ABCC6: variants seen among roughly 807,000 people sequenced by gnomAD.
ABCC6 encodes the protein ATP-binding cassette sub-family C member 6.
ABCC6 carries 126 observed loss-of-function variants against 169.5 expected under a neutral mutation model. That is an observed-to-expected ratio of 0.74 (90% CI 0.64 to 0.86). The LOEUF is 0.86. Ranked by LOEUF, ABCC6 falls within the 40% of genes least tolerant of loss-of-function variation. ABCC6 has a pLI of 0.00. For missense variants in ABCC6, 1,733 were observed against 1,927.2 expected (o/e 0.90, Z 1.89); for synonymous variants, 752 against 814.7 (o/e 0.92, Z 1.31).
chr16:16,179,769 T>G (rs891697892), intron 17 of ABCC6, among the ~76,000 whole-genome samples: 1 of 152,148 alleles, frequency 6.6e-6, no homozygotes, highest in Non-Finnish European at 1.5e-5. Flanking sequence ...TTCTGTATTT[T>G]TAGTAGAGAT....
rs63750457 is a variant in ABCC6, at chr16:16,163,008, C to T, written c.3491G>A (p.Arg1164Gln). The change falls in exon 24 of 31, where the codon CGA becomes CAA. Residue 1164 changes from arginine to glutamine, a missense_variant. Arg to Gln is a conservative substitution (Grantham distance 43, BLOSUM62 1). Transcript: ENST00000205557. ...VDESQRISFP[R>Q]LVADRWLAAN... ...CTCTTCCTACCTGTCAGCCACCAGTCGCGGGAAACTGATCCTCTGGCTTTC... is the reference window on the plus strand; with the variant it reads ...CTCTTCCTACCTGTCAGCCACCAGTTGCGGGAAACTGATCCTCTGGCTTTC... 2.5e-5 allele frequency: 40 copies of T among 1,613,962 alleles called. No individual in the cohort carries two copies. The highest frequency in any genetic ancestry group is 3.3e-4 in the Middle Eastern group (2 of 6,084).
At chr16:16,214,075 A>T (rs2048754029) in intron 5 of ABCC6, among the ~76,000 whole-genome samples, 2 of 152,002 alleles carry the variant, frequency 1.3e-5, no homozygotes, top group South Asian at 4.1e-4. Flanking sequence ...ATTTGTTGAC[A>T]TATTCTGCTT....
At chr16:16,177,830 C>T (rs748843353) in intron 18 of ABCC6, among the ~76,000 whole-genome samples, 7 of 152,008 alleles carry the variant, frequency 4.6e-5, no homozygotes, top group African/African-American at 1.7e-4. Flanking sequence ...GTAGTCTCAG[C>T]TACTTTGGAG....
At chr16:16,188,257 T>G (rs1264314510) in intron 13 of ABCC6, among the ~76,000 whole-genome samples, 12 of 149,968 alleles carry the variant, frequency 8.0e-5, no homozygotes. Context: ...CTGGGCATGG[T>G]TGTGCATGCC....
At chr16:16,184,740 C>G (rs964712949) in intron 15 of ABCC6, among the ~76,000 whole-genome samples, 18 of 152,082 alleles carry the variant, frequency 1.2e-4, no homozygotes, top group African/African-American at 4.3e-4. Flanking sequence ...GCCCTGGTCC[C>G]CGTCTGCAGG....
At position 16,188,948 on chromosome 16, in the gene ABCC6, G is replaced by A. The variant is rs777753626; in HGVS notation, c.1662C>T (p.His554=). The A allele has an allele frequency of 2.5e-6, 4 of 1,613,988 alleles. No homozygotes were observed. The highest frequency in any genetic ancestry group is 2.7e-5 in the African/African-American group (2 of 74,942). ...FLVALVVFAV[H]TLVAENAMNA... ...TCATAGCATTCTCGGCCACCAGAGT[G>A]TGGACAGCAAACACCACCAGTGCGA... Residue 554 remains histidine, a synonymous_variant, in exon 13 of 31, where the codon CAC becomes CAT. Coordinates refer to ENST00000205557, the MANE Select transcript of ABCC6 (RefSeq NM_001171.6).
At chr16:16,160,977 C>T (rs766466841) in intron 25 of ABCC6, among the ~76,000 whole-genome samples, 2 of 152,220 alleles carry the variant, frequency 1.3e-5, no homozygotes, top group Non-Finnish European at 1.5e-5. Context: ...TAGTGGCTCA[C>T]GCCTGTAATT....
At chr16:16,220,596 T>A (rs1340703284) in intron 2 of ABCC6, among the ~76,000 whole-genome samples, 1 of 151,852 alleles carries the variant, frequency 6.6e-6, no homozygotes, top group African/African-American at 2.4e-5. Flanking sequence ...ACAAATAAAG[T>A]TTTATTGAAA....
At chr16:16,216,274 C>A (rs2048871305) in intron 4 of ABCC6, among the ~76,000 whole-genome samples, 1 of 151,894 alleles carries the variant, frequency 6.6e-6, no homozygotes, top group South Asian at 2.1e-4. Context: ...TATAGTCACC[C>A]TGTTGTGCTA....
rs527331020 is a variant in ABCC6, at chr16:16,196,245, C to T, written c.1338+1776G>A. Among the ~76,000 whole-genome samples the T allele has an allele frequency of 9.9e-5, 15 of 151,112 alleles. 2 individuals carry two copies. The South Asian group carries it at 1.5e-3, about 15-fold the overall frequency. On this transcript the variant is annotated intron_variant, in intron 10 of 30. Transcript: ENST00000205557. ...AAAAAATCAAAAGGATACTATTTCACGACATATGAAAATGATATGCACTTC... is the reference window on the plus strand; with the variant it reads ...AAAAAATCAAAAGGATACTATTTCATGACATATGAAAATGATATGCACTTC...
intron 17 of ABCC6, chr16:16,181,733 G>C (rs1206191264): frequency 6.5e-6 from 1 of 153,864 alleles, no homozygotes; most frequent in African/African-American, 2.4e-5. Context: ...CGGAGTTTGA[G>C]ACCAGCCTGG....
At chr16:16,175,523 C>A (rs1254312613) in intron 20 of ABCC6, among the ~76,000 whole-genome samples, 2 of 152,172 alleles carry the variant, frequency 1.3e-5, no homozygotes, top group African/African-American at 4.8e-5. Context: ...TGCATACAGA[C>A]CCAAGCCCTG....
chr16:16,202,468 C>G (rs1250556565), intron 8 of ABCC6, among the ~76,000 whole-genome samples: 1 of 151,952 alleles, frequency 6.6e-6, no homozygotes, highest in Non-Finnish European at 1.5e-5. Flanking sequence ...GAAGCCCCGA[C>G]CCCCAGTACC....
At chr16:16,158,299 A>C (rs1261306001) in intron 26 of ABCC6, among the ~76,000 whole-genome samples, 2 of 152,182 alleles carry the variant, frequency 1.3e-5, no homozygotes, top group East Asian at 1.9e-4. Context: ...TGATCCTCCC[A>C]GTAAACTCAA....
chr16:16,158,437 CCATG>C (rs1326984595), intron 26 of ABCC6, among the ~76,000 whole-genome samples: 2 of 146,330 alleles, frequency 1.4e-5, no homozygotes, highest in Admixed American at 6.9e-5. Flanking sequence ...ATCCATCCAT[CCATG>C]CATCCATCCA....
chr16:16,181,014 G>A (rs1382336608), intron 17 of ABCC6, among the ~76,000 whole-genome samples: 1 of 152,164 alleles, frequency 6.6e-6, no homozygotes, highest in East Asian at 1.9e-4. Flanking sequence ...AAATAGTAAA[G>A]CAGGGGGAGC....
At chr16:16,182,641 T>C in intron 16 of ABCC6, 53 bp from the exon 17 acceptor site, 3 of 1,600,910 alleles carry the variant, frequency 1.9e-6, no homozygotes, top group South Asian at 2.2e-5. Context: ...AGAGGTGGGA[T>C]AGGTTTTGAG....
intron 22 of ABCC6, among the ~76,000 whole-genome samples, chr16:16,166,220 G>A (rs566870211): frequency 2.0e-5 from 3 of 152,086 alleles, no homozygotes; most frequent in South Asian, 4.2e-4. Flanking sequence ...GGCTAATTTG[G>A]GGTATTTTTG....
chr16:16,175,903 G>A lies in ABCC6; in HGVS notation c.2666+8C>T, dbSNP rs376554789. ...GCCCTTCTGAGTGTGGCACCATGGTGGACTCACCTCTCGCGTCTAAGCTCG... is the reference window on the plus strand; with the variant it reads ...GCCCTTCTGAGTGTGGCACCATGGTAGACTCACCTCTCGCGTCTAAGCTCG... On this transcript the variant is annotated splice_region_variant and intron_variant, in intron 20 of 30. Transcript: ENST00000205557. 2.5e-6 allele frequency: 4 copies of A among 1,613,918 alleles called. No homozygotes were observed. Among genetic ancestry groups the A allele is most frequent in the Non-Finnish European group, 3.4e-6 (4 of 1,180,004 alleles).
Sources: gnomAD v4.1 joint callset for allele counts (sites outside exome capture counted in the v4.1 genomes callset) on GRCh38, gnomAD v4.1.1 for gene constraint, MANE v1.5 for transcripts, NCBI Gene and HGNC (gene_info 2026-07-23, HGNC 2026-07-21) for gene names.